Variants in ASCC3 observed in about 807,000 individuals in gnomAD.
ASCC3 encodes the protein activating signal cointegrator 1 complex subunit 3.
ASCC3 carries 158 observed loss-of-function variants against 256.3 expected under a neutral mutation model. That is an observed-to-expected ratio of 0.62 (90% CI 0.54 to 0.70). ASCC3 has a LOEUF of 0.70. Among genes scored for constraint, ASCC3 ranks in the 30% least tolerant of loss-of-function variants. ASCC3 has a pLI of 0.00. For synonymous variants in ASCC3, 948 were observed against 883.4 expected (o/e 1.07, Z -1.30); for missense variants, 2,259 against 2,626.0 (o/e 0.86, Z 3.05).
chr6:100,580,573 A>T (rs1771166725), intron 36 of ASCC3, among the ~76,000 whole-genome samples: 1 of 149,756 alleles, frequency 6.7e-6, no homozygotes, highest in African/African-American at 2.5e-5. Context: ...CAAAATAAAA[A>T]TCTTTTATTA....
chr6:100,759,176 C>A (rs952043422), intron 10 of ASCC3, among the ~76,000 whole-genome samples: 2 of 152,082 alleles, frequency 1.3e-5, no homozygotes, highest in Non-Finnish European at 2.9e-5. Flanking sequence ...AATTTTCTCC[C>A]ATTCTGTAGG....
intron 36 of ASCC3, among the ~76,000 whole-genome samples, chr6:100,571,999 G>A (rs554910627): frequency 6.6e-6 from 1 of 152,284 alleles, no homozygotes; most frequent in East Asian, 1.9e-4. Context: ...AAAAGATATA[G>A]CTCTGCAATC....
Position 100,638,662 on chromosome 6 carries a change from C to A in ASCC3, c.4061G>T (p.Gly1354Val). The A allele has an allele frequency of 6.2e-7, 1 of 1,613,974 alleles. No homozygotes were observed. The highest frequency in any genetic ancestry group is 8.5e-7 in the Non-Finnish European group (1 of 1,179,916). ...NVLLGAPTGS[G>V]KTVAAELAIF... ...GGCTAATTCAGCTGCAACAGTCTTTCCCGATCCAGTAGGTGCTCCAAGTAG... is the reference window on the plus strand; with the variant it reads ...GGCTAATTCAGCTGCAACAGTCTTTACCGATCCAGTAGGTGCTCCAAGTAG... The change falls in exon 25 of 42, where the codon GGA (glycine) becomes GTA (valine). Residue 1354 changes from glycine to valine, a missense_variant. Gly to Val is a moderately radical substitution (Grantham distance 109, BLOSUM62 -3). Transcript: ENST00000369162.
rs568562698 is a variant in ASCC3 at position 100,626,494 on chromosome 6, C to T, written c.4642+1096G>A. On this transcript the variant is annotated intron_variant, in intron 29 of 41. Transcript: ENST00000369162. ...AATAAATAGTACATAAGTATAGCTGCTGTGCTGATACCATTTCTATGGAAG... is the reference window on the plus strand; with the variant it reads ...AATAAATAGTACATAAGTATAGCTGTTGTGCTGATACCATTTCTATGGAAG... Among the ~76,000 whole-genome samples, 3 of 152,134 alleles carry T rather than the reference C, an allele frequency of 2.0e-5. No individual in the cohort carries two copies. The South Asian group carries it at 6.2e-4, about 32-fold the overall frequency.
intron 34 of ASCC3, 85 bp downstream of exon 34, chr6:100,601,725 T>C (rs979637728): frequency 2.0e-6 from 3 of 1,521,772 alleles, no homozygotes; most frequent in African/African-American, 2.8e-5. Flanking sequence ...CTTTTTTGTA[T>C]GTACCTTAAT....
At position 100,625,203 on chromosome 6, in the gene ASCC3, C is replaced by A. The variant is rs1774164834; in HGVS notation, c.4774G>T (p.Asp1592Tyr). ...EEDPKQWLNM[D>Y]EREMENIIAT... ...AATATGTTGCTTACCTCTCTTTCAT[C>A]CATGTTTAACCACTGCTTTGGATCT... The change falls in exon 30 of 42, where the codon GAT becomes TAT. Residue 1592 changes from aspartate to tyrosine, a missense_variant. Around this residue, in one of 2 missense-constraint regions of ASCC3, gnomAD observed 1,839 missense variants for 2,206.7 expected, o/e 0.83. Coordinates refer to ENST00000369162, the MANE Select transcript of ASCC3 (RefSeq NM_006828.4). 2 of 1,612,614 alleles carry A rather than the reference C, an allele frequency of 1.2e-6. No individual in the cohort carries two copies. The highest frequency in any genetic ancestry group is 1.3e-5 in the African/African-American group (1 of 74,960).
At chr6:100,719,991 C>T (rs540596966) in intron 11 of ASCC3, among the ~76,000 whole-genome samples, 1 of 151,970 alleles carries the variant, frequency 6.6e-6, no homozygotes, top group South Asian at 2.1e-4. Flanking sequence ...AAGTTCAGAA[C>T]CTGAACAAAA....
At chr6:100,798,217 A>G (rs1226987028) in intron 8 of ASCC3, among the ~76,000 whole-genome samples, 1 of 152,170 alleles carries the variant, frequency 6.6e-6, no homozygotes, top group African/African-American at 2.4e-5. Flanking sequence ...CAAATGTGCC[A>G]AAATTTTAAC....
In ASCC3 at chr6:100,848,670, C is replaced by T. The variant is rs1322053931; in HGVS notation, c.279G>A (p.Gly93=). 10 of 1,613,404 alleles carry T rather than the reference C, an allele frequency of 6.2e-6. No individual in the cohort carries two copies. The South Asian group carries it at 7.7e-5, about 12-fold the overall frequency. ...TDNGREAIES[G]AAFLFMTFHL... ...GAAATGTCATGAAGAGAAATGCAGC[C>T]CCACTTTCAATTGCTTCTCTCCCAT... Residue 93 remains glycine, a synonymous_variant, in exon 4 of 42, where the codon GGG becomes GGA. Coordinates refer to ENST00000369162, the MANE Select transcript of ASCC3 (RefSeq NM_006828.4).
At chr6:100,589,175 G>A (rs1316352878) in intron 36 of ASCC3, among the ~76,000 whole-genome samples, 2 of 152,090 alleles carry the variant, frequency 1.3e-5, no homozygotes, top group African/African-American at 2.4e-5. Context: ...GGGTGTTTGT[G>A]GGGATGGGGG....
chr6:100,534,142 G>A (rs2114650309), intron 37 of ASCC3, among the ~76,000 whole-genome samples: 1 of 152,306 alleles, frequency 6.6e-6, no homozygotes, highest in Admixed American at 6.5e-5. Context: ...TACTCAGGAG[G>A]CTGAGGTGGG....
intron 4 of ASCC3, among the ~76,000 whole-genome samples, chr6:100,812,701 G>A (rs369953189): frequency 1.3e-5 from 2 of 152,280 alleles, no homozygotes; most frequent in South Asian, 2.1e-4. Context: ...AAGCTGAGGA[G>A]GGAGGATTGC....
At position 100,650,589 on chromosome 6, in the gene ASCC3, T is replaced by C; in HGVS notation, c.3201A>G (p.Arg1067=). 6.8e-6 allele frequency: 11 copies of C among 1,612,818 alleles called. No individual in the cohort carries two copies. Among genetic ancestry groups the C allele is most frequent in the South Asian group, 1.1e-5 (1 of 91,046 alleles). Residue 1067 remains arginine (R), a synonymous_variant, in exon 20 of 42, where the codon CGA becomes CGG. Coordinates refer to ENST00000369162, the MANE Select transcript of ASCC3 (RefSeq NM_006828.4). ...TAAGGGAGAAACTGTCCATTTCTCC[T>C]CGGCTGATATAAGTTTGAAGTAAGA... ...INILLQTYIS[R]GEMDSFSLIS...
At chr6:100,691,402 A>AT (rs1777842705) in intron 13 of ASCC3, among the ~76,000 whole-genome samples, 1 of 151,942 alleles carries the variant, frequency 6.6e-6, no homozygotes, top group African/African-American at 2.4e-5. Flanking sequence ...AAGCATATGT[A>AT]TTTTTTGGAG....
intron 6 of ASCC3, 105 bp downstream of exon 6, chr6:100,800,195 G>GA: frequency 1.6e-6 from 2 of 1,241,048 alleles, no homozygotes; most frequent in South Asian, 2.6e-5. Context: ...AACGTGACTT[G>GA]AAGTAAAAAT....
intron 8 of ASCC3, among the ~76,000 whole-genome samples, chr6:100,781,682 C>T (rs1189172904): frequency 1.3e-5 from 2 of 151,910 alleles, no homozygotes; most frequent in Non-Finnish European, 2.9e-5. Flanking sequence ...GCCACCGCGC[C>T]CGGCCAGTAC....
At chr6:100,634,864 C>CAAAAAAAAAAAAAA (rs199632200) in intron 25 of ASCC3, among the ~76,000 whole-genome samples, 2 of 119,264 alleles carry the variant, frequency 1.7e-5, no homozygotes, top group Non-Finnish European at 3.4e-5. Context: ...CCTCAAAAAA[C>CAAAAAAAAAAAAAA]AAAAAAAAAA....
chr6:100,847,915 C>A, intron 4 of ASCC3: 1 of 375,942 alleles, frequency 2.7e-6, no homozygotes, highest in Non-Finnish European at 4.7e-6. Context: ...AGCATGTGGA[C>A]ACCCAACTAT....
chr6:100,658,132 CAT>C (rs1359276355), intron 16 of ASCC3, among the ~76,000 whole-genome samples: 1 of 151,532 alleles, frequency 6.6e-6, no homozygotes, highest in Non-Finnish European at 1.5e-5. Flanking sequence ...ACTACAATGA[CAT>C]ATATAAACCC....
Sources: gnomAD v4.1 joint callset for allele counts (sites outside exome capture counted in the v4.1 genomes callset) on GRCh38, gnomAD v4.1.1 for gene constraint, gnomAD v4.1.1 regional missense constraint, MANE v1.5 for transcripts, NCBI Gene and HGNC (gene_info 2026-07-23, HGNC 2026-07-21) for gene names.